PLEKHH2: variants seen among roughly 807,000 people sequenced by gnomAD.
The protein encoded by PLEKHH2 is pleckstrin homology, MyTH4 and FERM domain containing H2.
In PLEKHH2, 129 loss-of-function variants were observed where a neutral mutation model predicts 187.9. That is an observed-to-expected ratio of 0.69 (90% CI 0.59 to 0.79). The LOEUF (loss-of-function observed/expected upper bound fraction) is 0.79, where lower values mean the gene tolerates loss of function less well. PLEKHH2 is among the 30% of genes least tolerant of loss of function. The pLI is 0.00. For missense variants in PLEKHH2, 2,076 were observed against 1,751.2 expected (o/e 1.19, Z -3.31); for synonymous variants, 686 against 605.6 (o/e 1.13, Z -1.95).
chr2:43,733,521 T>A (rs1209028119), intron 19 of PLEKHH2, among the ~76,000 whole-genome samples: 2 of 152,168 alleles, frequency 1.3e-5, no homozygotes, highest in Non-Finnish European at 2.9e-5. Flanking sequence ...GAGCTCCATC[T>A]CTTTCTTTTG....
intron 21 of PLEKHH2, chr2:43,741,376 T>C (rs1254080566): frequency 1.2e-5 from 2 of 162,686 alleles, no homozygotes; most frequent in African/African-American, 4.8e-5. Flanking sequence ...GTTTTCCCTT[T>C]TACTATTTCT....
chr2:43,716,739 C>T (rs114170177), intron 15 of PLEKHH2, among the ~76,000 whole-genome samples: 2,161 of 152,252 alleles, frequency 0.014, 58 homozygotes, highest in African/African-American at 0.048. Context: ...TGCTTTACCA[C>T]GTATCTTTCA....
intron 12 of PLEKHH2, 35 bp from the exon 13 acceptor site, chr2:43,710,185 A>G (rs1270030049): frequency 6.2e-7 from 1 of 1,610,838 alleles, no homozygotes; most frequent in East Asian, 2.2e-5. Context: ...CCAAAAGGAA[A>G]CTGAAAATGC....
intron 3 of PLEKHH2, among the ~76,000 whole-genome samples, chr2:43,691,582 TG>T (rs1232557480): frequency 6.6e-6 from 1 of 152,196 alleles, no homozygotes; most frequent in Non-Finnish European, 1.5e-5. Context: ...GTTTCCAGCT[TG>T]AAGGTTGGGT....
intron 2 of PLEKHH2, among the ~76,000 whole-genome samples, chr2:43,660,140 G>A (rs1233772022): frequency 1.3e-5 from 2 of 152,152 alleles, no homozygotes; most frequent in Non-Finnish European, 2.9e-5. Context: ...GACATAAAGT[G>A]TATAGTTTTT....
chr2:43,741,229 C>G (rs1010427002), intron 21 of PLEKHH2, 186 bp downstream of exon 21: 4 of 434,562 alleles, frequency 9.2e-6, no homozygotes, highest in African/African-American at 6.1e-5. Context: ...TGTTAAATCT[C>G]TTAGGGAAGA....
At chr2:43,694,024 T>A (rs1039642647) in intron 4 of PLEKHH2, among the ~76,000 whole-genome samples, 1 of 152,132 alleles carries the variant, frequency 6.6e-6, no homozygotes, top group Non-Finnish European at 1.5e-5. Context: ...TCACTATGTT[T>A]ATTTTTCTTG....
chr2:43,701,194 TG>T (rs1482993615), intron 8 of PLEKHH2, among the ~76,000 whole-genome samples: 1 of 152,242 alleles, frequency 6.6e-6, no homozygotes, highest in East Asian at 1.9e-4. Context: ...CAGGAAGCCC[TG>T]GACCACCACA....
chr2:43,743,882 T>C lies in PLEKHH2; in HGVS notation c.3448T>C (p.Leu1150=), dbSNP rs1011635336. The C allele has an allele frequency of 6.2e-7, 1 of 1,614,098 alleles. No individual in the cohort carries two copies. Among genetic ancestry groups the C allele is most frequent in the Non-Finnish European group, 8.5e-7 (1 of 1,179,976 alleles). Residue 1150 remains leucine (L), a synonymous_variant, in exon 23 of 30, where the codon TTG becomes CTG. Coordinates refer to ENST00000282406, the MANE Select transcript of PLEKHH2 (RefSeq NM_172069.4). ...STTVEEFLNT[L]NQDTGMRKPA... ...CACAGTGGAAGAATTTTTGAATACT[T>C]TGAACCAGGACACAGGAATGAGGAA...
intron 11 of PLEKHH2, among the ~76,000 whole-genome samples, chr2:43,708,480 C>G (rs1558534150): frequency 6.6e-6 from 1 of 152,222 alleles, no homozygotes; most frequent in Non-Finnish European, 1.5e-5. Context: ...CCTCCATCAG[C>G]AAACGCTGCT....
At chr2:43,717,597 G>A (rs2104535822) in intron 15 of PLEKHH2, among the ~76,000 whole-genome samples, 1 of 152,294 alleles carries the variant, frequency 6.6e-6, no homozygotes, top group Middle Eastern at 3.4e-3. Context: ...GGGGATGGGT[G>A]GCAAAAGTGG....
At chr2:43,676,697 AC>A (rs1667816084) in intron 2 of PLEKHH2, among the ~76,000 whole-genome samples, 1 of 152,168 alleles carries the variant, frequency 6.6e-6, no homozygotes, top group Non-Finnish European at 1.5e-5. Flanking sequence ...CTGGTACAAC[AC>A]ATCCCGTATG....
chr2:43,728,092 C>T (rs1371920876), intron 17 of PLEKHH2, among the ~76,000 whole-genome samples: 1 of 152,146 alleles, frequency 6.6e-6, no homozygotes, highest in African/African-American at 2.4e-5. Context: ...AGTGTAAATG[C>T]TTTGGAAAGT....
chr2:43,737,365 T>C (rs1438089267), intron 19 of PLEKHH2, among the ~76,000 whole-genome samples: 1 of 152,176 alleles, frequency 6.6e-6, no homozygotes, highest in East Asian at 1.9e-4. Flanking sequence ...TATCTAGAAA[T>C]GATGCAGGTG....
Position 43,753,755 on chromosome 2 carries a change from T to C in PLEKHH2, c.3790T>C (p.Ser1264Pro). The C allele has an allele frequency of 1.3e-6, 2 of 1,572,992 alleles. No homozygotes were observed. Among genetic ancestry groups the C allele is most frequent in the Non-Finnish European group, 1.7e-6 (2 of 1,163,518 alleles). The change falls in exon 25 of 30, where the codon TCT (serine) becomes CCT (proline). Residue 1264 changes from serine to proline, a missense_variant. Coordinates refer to ENST00000282406, the MANE Select transcript of PLEKHH2 (RefSeq NM_172069.4). ...DLALEMAALL[S>P]QVEIGDFERP... ...GGCATTAGAAATGGCAGCTCTTTTA[T>C]CTCAGGTAACTTCCATGTTATATGG...
intron 3 of PLEKHH2, among the ~76,000 whole-genome samples, chr2:43,689,662 G>A (rs1328610967): frequency 2.0e-5 from 3 of 152,182 alleles, no homozygotes; most frequent in Non-Finnish European, 2.9e-5. Flanking sequence ...TAGGTTGCTT[G>A]TAACTACTTT....
chr2:43,669,519 C>T (rs146734701), intron 2 of PLEKHH2, among the ~76,000 whole-genome samples: 68 of 151,876 alleles, frequency 4.5e-4, no homozygotes, highest in African/African-American at 1.6e-3. Flanking sequence ...AAGACATTAA[C>T]AAAATGATAT....
intron 2 of PLEKHH2, among the ~76,000 whole-genome samples, chr2:43,659,353 C>A (rs1308738202): frequency 6.6e-6 from 1 of 151,418 alleles, no homozygotes; most frequent in Non-Finnish European, 1.5e-5. Flanking sequence ...CACCTCCCTG[C>A]TGTTTTTCTT....
At chr2:43,655,491 C>G (rs1333984963) in intron 2 of PLEKHH2, among the ~76,000 whole-genome samples, 2 of 152,174 alleles carry the variant, frequency 1.3e-5, no homozygotes, top group East Asian at 3.8e-4. Context: ...TCAATTTGAA[C>G]TTTCATGAAG....
Sources: allele counts gnomAD v4.1 joint callset (sites outside exome capture counted in the v4.1 genomes callset), GRCh38; gene constraint gnomAD v4.1.1; transcripts MANE v1.5; gene names NCBI Gene and HGNC (gene_info 2026-07-23, HGNC 2026-07-21).